Variants in KLF7 observed in about 807,000 individuals in gnomAD.
KLF7 encodes the protein Krueppel-like factor 7.
KLF7 carries 2 observed loss-of-function variants against 27.3 expected under a neutral mutation model. That is an observed-to-expected ratio of 0.07 (90% CI 0.03 to 0.23). The LOEUF is 0.23. Among genes scored for constraint, KLF7 ranks in the 10% least tolerant of loss-of-function variants. The pLI is 1.00. For missense variants in KLF7, 221 were observed against 394.1 expected (o/e 0.56, Z 3.72); for synonymous variants, 165 against 162.4 (o/e 1.02, Z -0.12).
intron 1 of KLF7, among the ~76,000 whole-genome samples, chr2:207,133,446 T>C (rs910991777): frequency 4.6e-5 from 7 of 152,112 alleles, no homozygotes; most frequent in Admixed American, 2.6e-4. Context: ...AACCAGTCGG[T>C]CCCTGCTCCA....
intron 1 of KLF7, among the ~76,000 whole-genome samples, chr2:207,133,113 A>T (rs888655082): frequency 3.3e-5 from 5 of 152,214 alleles, no homozygotes; most frequent in Admixed American, 3.3e-4. Context: ...GCTGGGGCCT[A>T]GAAGATGCTC....
chr2:207,109,939 A>G (rs928478474), intron 2 of KLF7: 5 of 154,884 alleles, frequency 3.2e-5, no homozygotes, highest in African/African-American at 9.6e-5. Flanking sequence ...AAAGCCACAG[A>G]TGTCACGTGC....
At chr2:207,107,958 C>G (rs116711263) in intron 2 of KLF7, among the ~76,000 whole-genome samples, 1,523 of 152,296 alleles carry the variant, frequency 0.01, 32 homozygotes, top group African/African-American at 0.036. Context: ...AAAAGCTGTT[C>G]AGTTAATTTT....
rs2076260947 is a variant in KLF7 at position 207,081,117 on chromosome 2, G to T, written c.*96C>A. ...TTTATAAGTGAGAACTTTCTTCTGC[G>T]AGGCAATGGGTCCCCGCCTGAAGTC... is the stretch of plus-strand genomic sequence containing the variant. On this transcript the variant is annotated 3_prime_UTR_variant, in exon 4 of 4. Transcript: ENST00000309446. The T allele has an allele frequency of 3.0e-6, 3 of 1,014,430 alleles. No homozygotes were observed. The Admixed American group carries it at 5.2e-5, about 18-fold the overall frequency. 62.8% of individuals were successfully genotyped at this position (1,014,430 alleles called of 1,614,324 possible). A position where few individuals can be genotyped will look rare whatever the true frequency, so the allele number is the denominator to read the frequency against.
At chr2:207,148,954 C>T in intron 1 of KLF7, 1 of 991,490 alleles carries the variant, frequency 1.0e-6, no homozygotes, top group African/African-American at 1.7e-5. Context: ...TCTTGGTGCC[C>T]TTAATATATG....
Position 207,076,006 on chromosome 2 carries a change from A to G in KLF7, c.*5207T>C, listed in dbSNP as rs2076170625. 1 of 149,184 alleles carries G rather than the reference A, an allele frequency of 6.7e-6. No homozygotes were observed. The highest frequency in any genetic ancestry group is 2.5e-5 in the African/African-American group (1 of 40,640). The allele number at this position is 149,184 out of a possible 1,614,324, so 9.2% of individuals were successfully genotyped here. ...CCCCCAACCCCTCCCCGCTATGTGGAACTCCCAGTGTGGTTTCGATATACT... is the reference window on the plus strand; with the variant it reads ...CCCCCAACCCCTCCCCGCTATGTGGGACTCCCAGTGTGGTTTCGATATACT... On this transcript the variant is annotated 3_prime_UTR_variant, in exon 4 of 4. Transcript: ENST00000309446.
intron 1 of KLF7, among the ~76,000 whole-genome samples, chr2:207,126,069 C>T (rs2300941): frequency 0.57 from 87,318 of 152,012 alleles, 26,148 homozygotes; most frequent in Admixed American, 0.67. Flanking sequence ...AATAATAGCT[C>T]TGACTCAGTA....
chr2:207,089,134 T>C (rs1455446565), intron 2 of KLF7, among the ~76,000 whole-genome samples: 1 of 152,196 alleles, frequency 6.6e-6, no homozygotes, highest in Admixed American at 6.5e-5. Flanking sequence ...GTAAATGTGA[T>C]GGATGGACAA....
At chr2:207,167,128 G>A (rs1156576267), upstream of KLF7, 1 of 1,437,292 alleles carries the variant, frequency 7.0e-7, no homozygotes, top group Non-Finnish European at 9.1e-7. Flanking sequence ...GCCTTTACGT[G>A]ATGAGGCTCA....
chr2:207,149,711 A>C (rs1010085241), intron 1 of KLF7, among the ~76,000 whole-genome samples: 1 of 152,162 alleles, frequency 6.6e-6, no homozygotes, highest in Non-Finnish European at 1.5e-5. Context: ...TATTCATTTG[A>C]AGAGTTCACA....
chr2:207,131,623 A>G (rs2077638803), intron 1 of KLF7, among the ~76,000 whole-genome samples: 1 of 152,238 alleles, frequency 6.6e-6, no homozygotes, highest in Non-Finnish European at 1.5e-5. Flanking sequence ...TGACTCCAGA[A>G]ACCAACTTGA....
chr2:207,165,821 A>G lies in KLF7; in HGVS notation c.-253T>C. The G allele has an allele frequency of 7.5e-7, 1 of 1,336,914 alleles. No individual in the cohort carries two copies. Among genetic ancestry groups the G allele is most frequent in the Non-Finnish European group, 9.6e-7 (1 of 1,041,356 alleles). 82.8% of individuals were successfully genotyped at this position (1,336,914 alleles called of 1,614,324 possible). ...AGCGTGTACAGTGCAGACGACTGCC[A>G]GGAAAAGGGGACTTCTCCACGGGAG... On this transcript the variant is annotated 5_prime_UTR_variant, in exon 1 of 4. Coordinates refer to ENST00000309446, the MANE Select transcript of KLF7 (RefSeq NM_003709.4).
At chr2:207,100,937 G>A (rs559804513) in intron 2 of KLF7, among the ~76,000 whole-genome samples, 5 of 152,216 alleles carry the variant, frequency 3.3e-5, no homozygotes, top group African/African-American at 4.8e-5. Context: ...TTGTAATCAC[G>A]CACAAAGTCT....
chr2:207,097,800 C>A (rs993323565), intron 2 of KLF7, among the ~76,000 whole-genome samples: 2 of 152,072 alleles, frequency 1.3e-5, no homozygotes, highest in African/African-American at 4.8e-5. Context: ...CATGTGTTTT[C>A]AAATACTGTA....
intron 1 of KLF7, among the ~76,000 whole-genome samples, chr2:207,150,161 T>TA (rs1253879181): frequency 6.6e-6 from 1 of 152,184 alleles, no homozygotes; most frequent in African/African-American, 2.4e-5. Flanking sequence ...ATGAATGTGG[T>TA]AAAATACAAT....
chr2:207,105,038 G>A (rs369034292), intron 2 of KLF7, among the ~76,000 whole-genome samples: 15 of 152,294 alleles, frequency 9.8e-5, no homozygotes, highest in African/African-American at 2.6e-4. Flanking sequence ...AGAACTTAGT[G>A]TGGGTAGAAA....
At chr2:207,149,531 C>G (rs972175347) in intron 1 of KLF7, among the ~76,000 whole-genome samples, 2 of 152,228 alleles carry the variant, frequency 1.3e-5, no homozygotes, top group African/African-American at 4.8e-5. Context: ...ACAGTTTTGG[C>G]AACAGGAAGA....
At chr2:207,094,899 T>C (rs2076590080) in intron 2 of KLF7, among the ~76,000 whole-genome samples, 1 of 152,286 alleles carries the variant, frequency 6.6e-6, no homozygotes, top group African/African-American at 2.4e-5. Flanking sequence ...TAAAATGTAC[T>C]CATTGATGAT....
At chr2:207,085,986 C>CAA (rs1162167373) in intron 3 of KLF7, among the ~76,000 whole-genome samples, 9,316 of 109,542 alleles carry the variant, frequency 0.085, 399 homozygotes, top group Non-Finnish European at 0.12. Context: ...AAATGTTGGC[C>CAA]AAAAAAAAAA....
Sources: allele counts gnomAD v4.1 joint callset (sites outside exome capture counted in the v4.1 genomes callset), GRCh38; gene constraint gnomAD v4.1.1; transcripts MANE v1.5; gene names NCBI Gene and HGNC (gene_info 2026-07-23, HGNC 2026-07-21).